Variants in ERBB4 observed in about 807,000 individuals in gnomAD.
The protein encoded by ERBB4 is receptor tyrosine-protein kinase erbB-4.
ERBB4 carries 42 observed loss-of-function variants against 158.0 expected under a neutral mutation model. The observed-to-expected ratio is 0.27, with a 90% CI of 0.21 to 0.34. The LOEUF is 0.34. ERBB4 is among the 10% of genes least tolerant of loss of function. The pLI is 1.00. For missense variants in ERBB4, 1,333 were observed against 1,624.1 expected, an observed-to-expected ratio of 0.82 and a Z score of 3.08; for synonymous variants, 583 against 558.7, an observed-to-expected ratio of 1.04 and a Z score of -0.61.
At chr2:211,673,836 T>C (rs1161227059) in intron 13 of ERBB4, among the ~76,000 whole-genome samples, 2 of 145,570 alleles carry the variant, frequency 1.4e-5, no homozygotes, top group South Asian at 2.2e-4. Flanking sequence ...GTAGATTTCA[T>C]TTTCTTATAT....
intron 12 of ERBB4, among the ~76,000 whole-genome samples, chr2:211,690,254 A>G (rs2371277): frequency 0.25 from 37,190 of 151,676 alleles, 5,375 homozygotes; most frequent in African/African-American, 0.4. Flanking sequence ...GGGTCCATTT[A>G]TTTTACCATA....
intron 5 of ERBB4, among the ~76,000 whole-genome samples, chr2:211,739,094 T>C (rs925033190): frequency 6.6e-6 from 1 of 152,222 alleles, no homozygotes; most frequent in Non-Finnish European, 1.5e-5. Flanking sequence ...CATCAATCTG[T>C]ATAGGTCTAT....
At chr2:212,398,300 T>C (rs933005223) in intron 1 of ERBB4, among the ~76,000 whole-genome samples, 7 of 152,102 alleles carry the variant, frequency 4.6e-5, no homozygotes, top group Admixed American at 3.9e-4. Flanking sequence ...CTGGAGCACA[T>C]ATATGTGGTT....
At chr2:212,000,878 T>A (rs2076087258) in intron 2 of ERBB4, among the ~76,000 whole-genome samples, 1 of 151,844 alleles carries the variant, frequency 6.6e-6, no homozygotes. Context: ...AAATTTACAT[T>A]TGGTCTATGT....
intron 20 of ERBB4, among the ~76,000 whole-genome samples, chr2:211,489,737 T>C (rs1365710087): frequency 2.0e-5 from 3 of 151,786 alleles, no homozygotes; most frequent in Non-Finnish European, 4.4e-5. Flanking sequence ...ACATGACAAA[T>C]AGCATATGAA....
chr2:212,329,700 A>G (rs1363978215), intron 1 of ERBB4, among the ~76,000 whole-genome samples: 2 of 152,032 alleles, frequency 1.3e-5, no homozygotes, highest in African/African-American at 4.8e-5. Flanking sequence ...GGTTTGTAAA[A>G]CAGTGATTTA....
chr2:211,774,069 A>G (rs1483542526), intron 4 of ERBB4, among the ~76,000 whole-genome samples: 4 of 147,510 alleles, frequency 2.7e-5, no homozygotes, highest in African/African-American at 1.0e-4. Context: ...GGTCACCCCA[A>G]CCAATTTTTT....
intron 19 of ERBB4, among the ~76,000 whole-genome samples, chr2:211,613,925 C>A (rs11893743): frequency 6.6e-6 from 1 of 151,960 alleles, no homozygotes; most frequent in Non-Finnish European, 1.5e-5. Context: ...TGGGTATATA[C>A]GCAAAATAAA....
At chr2:212,537,126 C>T (rs1693118560) in intron 1 of ERBB4, among the ~76,000 whole-genome samples, 1 of 136,766 alleles carries the variant, frequency 7.3e-6, no homozygotes, top group Non-Finnish European at 1.6e-5. Context: ...ATTTACTAGG[C>T]AAAGGAGGCG....
At chr2:211,917,823 G>A (rs188410434) in intron 3 of ERBB4, among the ~76,000 whole-genome samples, 1 of 152,150 alleles carries the variant, frequency 6.6e-6, no homozygotes, top group South Asian at 2.1e-4. Context: ...TCACTGAAGG[G>A]TTTTGAGGAG....
intron 1 of ERBB4, among the ~76,000 whole-genome samples, chr2:212,127,541 G>A (rs1248852802): frequency 1.3e-5 from 2 of 152,104 alleles, no homozygotes; most frequent in African/African-American, 4.8e-5. Context: ...GCCGTGAGCC[G>A]AGATTGCGCC....
intron 5 of ERBB4, 142 bp downstream of exon 5, chr2:211,750,497 A>C (rs2075100986): frequency 4.1e-6 from 3 of 729,876 alleles, no homozygotes; most frequent in Middle Eastern, 4.6e-4. Context: ...AAAATCGGGT[A>C]GTTTTCTTGG....
At chr2:212,432,161 G>A (rs2092045056) in intron 1 of ERBB4, among the ~76,000 whole-genome samples, 1 of 152,026 alleles carries the variant, frequency 6.6e-6, no homozygotes. Flanking sequence ...CTTGAGGGAT[G>A]GCCTTTCCTG....
At chr2:211,791,525 T>A (rs371934542) in intron 3 of ERBB4, among the ~76,000 whole-genome samples, 1 of 151,180 alleles carries the variant, frequency 6.6e-6, no homozygotes, top group East Asian at 1.9e-4. Context: ...AAAAAAAAAA[T>A]GTTGAATGCG....
intron 2 of ERBB4, among the ~76,000 whole-genome samples, chr2:212,096,000 T>G (rs1460909881): frequency 6.6e-6 from 1 of 151,386 alleles, no homozygotes; most frequent in Non-Finnish European, 1.5e-5. Context: ...GGGCAGAATT[T>G]CCCAACGAGA....
intron 3 of ERBB4, among the ~76,000 whole-genome samples, chr2:211,866,621 A>G (rs1253959267): frequency 4.6e-5 from 7 of 152,218 alleles, no homozygotes; most frequent in Admixed American, 4.6e-4. Context: ...GTACAATTAT[A>G]TAAATGAAGA....
At chr2:212,337,041 AG>A (rs2088476667) in intron 1 of ERBB4, among the ~76,000 whole-genome samples, 1 of 152,092 alleles carries the variant, frequency 6.6e-6, no homozygotes. Flanking sequence ...CAGTTTCTTA[AG>A]AAGTTTATTG....
intron 1 of ERBB4, among the ~76,000 whole-genome samples, chr2:212,335,496 G>A (rs2088391280): frequency 6.6e-6 from 1 of 151,860 alleles, no homozygotes; most frequent in East Asian, 1.9e-4. Flanking sequence ...CAGGAAGAGT[G>A]AAATAAAAAT....
At chr2:212,361,811 G>A (rs1352492539) in intron 1 of ERBB4, among the ~76,000 whole-genome samples, 1 of 151,618 alleles carries the variant, frequency 6.6e-6, no homozygotes, top group Non-Finnish European at 1.5e-5. Context: ...TCTGGCATGT[G>A]GTTGTCACAT....
Sources: allele counts gnomAD v4.1 joint callset (sites outside exome capture counted in the v4.1 genomes callset), GRCh38; gene constraint gnomAD v4.1.1; transcripts MANE v1.5; gene names NCBI Gene and HGNC (gene_info 2026-07-23, HGNC 2026-07-21).